The following CRYZL1 variants were observed in gnomAD, a reference collection of about 807,000 sequenced individuals.
CRYZL1 encodes ferry endosomal RAB5 effector complex subunit 4.
CRYZL1 carries 34 observed loss-of-function variants against 50.6 expected under a neutral mutation model. The ratio of observed to expected loss-of-function variants is 0.67; its 90% CI spans 0.51 to 0.89. The LOEUF is 0.89. Ranked by LOEUF, CRYZL1 falls within the 40% of genes least tolerant of loss-of-function variation. The pLI is 0.00. For missense variants in CRYZL1, 354 were observed against 402.3 expected, an observed-to-expected ratio of 0.88 and a Z score of 1.03; for synonymous variants, 125 against 134.3, an observed-to-expected ratio of 0.93 and a Z score of 0.48.
intron 3 of CRYZL1, among the ~76,000 whole-genome samples, chr21:33,622,993 T>G (rs369285871): frequency 2.0e-5 from 3 of 149,696 alleles, no homozygotes; most frequent in East Asian, 2.0e-4. Context: ...TCAGATGGAG[T>G]CTCACTCTGT....
Position 33,603,419 on chromosome 21 carries a change from T to C in CRYZL1, c.450A>G (p.Ile150Met). ...SHLSPGKSVL[I>M]MDGASAFGTI... Reference sequence around the variant, plus strand: ...TAGCACCTACACTTGCTCCATCCATTATCAGCACTGATTTTCCAGGAGAGA... The same window carrying C: ...TAGCACCTACACTTGCTCCATCCATCATCAGCACTGATTTTCCAGGAGAGA... The change falls in exon 7 of 13, where the codon ATA becomes ATG. Residue 150 changes from isoleucine to methionine, a missense_variant. Ile to Met is a conservative substitution (Grantham distance 10, BLOSUM62 1). Coordinates refer to ENST00000381554, the MANE Select transcript of CRYZL1 (RefSeq NM_145858.3). 1.2e-6 allele frequency: 2 copies of C among 1,614,130 alleles called. No homozygotes were observed. Among genetic ancestry groups the C allele is most frequent in the South Asian group, 1.1e-5 (1 of 91,086 alleles).
Position 33,597,367 on chromosome 21 carries a change from T to C in CRYZL1, c.711A>G (p.Val237=). 1 of 1,602,744 alleles carries C rather than the reference T, an allele frequency of 6.2e-7. No individual in the cohort carries two copies. Residue 237 remains valine, a synonymous_variant, in exon 10 of 13, where the codon GTA becomes GTG. Coordinates refer to ENST00000381554, the MANE Select transcript of CRYZL1 (RefSeq NM_145858.3). ...RLYSKDDEPA[V]KLQLLPHKHD... ...GTTTATGTGGTAGTAGTTGTAGTTT[T>C]ACAGCTGGTTCATCATCTTTACTAT...
chr21:33,633,942 G>C (rs1276997660), intron 1 of CRYZL1, among the ~76,000 whole-genome samples: 1 of 152,184 alleles, frequency 6.6e-6, no homozygotes, highest in Non-Finnish European at 1.5e-5. Context: ...AATGTTAGTG[G>C]ATCTACTTGG....
At chr21:33,591,070 G>T in intron 12 of CRYZL1, 92 bp downstream of exon 12, 1 of 872,932 alleles carries the variant, frequency 1.1e-6, no homozygotes, top group Non-Finnish European at 2.0e-6. Context: ...ACAGGTACAT[G>T]GCGAGAGCTA....
Position 33,602,350 on chromosome 21 carries a change from G to A in CRYZL1, c.466-5C>T, listed in dbSNP as rs769494373. Reference sequence around the variant, plus strand: ...AATAGCTATTGTACCAAATGCCTGTGTAGAAAAAAATATACAGTGGGTGTA... The same window carrying A: ...AATAGCTATTGTACCAAATGCCTGTATAGAAAAAAATATACAGTGGGTGTA... On this transcript the variant is annotated splice_polypyrimidine_tract_variant and splice_region_variant and intron_variant, in intron 7 of 12. Coordinates refer to ENST00000381554, the MANE Select transcript of CRYZL1 (RefSeq NM_145858.3). 12 of 1,503,930 alleles carry A rather than the reference G, an allele frequency of 8.0e-6. No individual in the cohort carries two copies. Among genetic ancestry groups the A allele is most frequent in the Middle Eastern group, 3.4e-4 (2 of 5,882 alleles). The allele number at this position is 1,503,930 out of a possible 1,614,324, so 93.2% of individuals were successfully genotyped here. A position where few individuals can be genotyped will look rare whatever the true frequency, so the allele number is the denominator to read the frequency against.
intron 6 of CRYZL1, among the ~76,000 whole-genome samples, chr21:33,605,289 T>A (rs954094725): frequency 5.9e-5 from 9 of 152,058 alleles, no homozygotes; most frequent in Non-Finnish European, 1.0e-4. Context: ...TTTAACAGTA[T>A]CTTTAAAAAA....
rs190831016 is a variant in CRYZL1, at chr21:33,640,121, C to T, written c.-7+1560G>A. The T allele has an allele frequency of 3.0e-4, 466 of 1,542,648 alleles. 3 individuals are homozygous for T. The African/African-American group carries it at 5.8e-3, about 19-fold the overall frequency. Reference sequence around the variant, plus strand: ...GATTACAGGCGTGAGCCACCACGCTCGGCCAATATGTGTATTTTTGCTCTT... The same window carrying T: ...GATTACAGGCGTGAGCCACCACGCTTGGCCAATATGTGTATTTTTGCTCTT... On this transcript the variant is annotated intron_variant, in intron 1 of 12. Coordinates refer to ENST00000381554, the MANE Select transcript of CRYZL1 (RefSeq NM_145858.3).
chr21:33,605,567 G>A (rs1445459579), intron 6 of CRYZL1, among the ~76,000 whole-genome samples: 1 of 59,852 alleles, frequency 1.7e-5, no homozygotes, highest in Admixed American at 2.4e-4. Flanking sequence ...CTGTCGCCAG[G>A]CTGGAGTGCA....
chr21:33,598,044 A>T (rs78467243), intron 9 of CRYZL1, among the ~76,000 whole-genome samples: 1,601 of 152,344 alleles, frequency 0.011, 76 homozygotes, highest in Admixed American at 0.079. Context: ...TTTAATTGTA[A>T]TTTATTGTAA....
chr21:33,613,594 A>G lies in CRYZL1; in HGVS notation c.275T>C (p.Leu92Pro). ...ACAAAGTCCAGGGTCTTCAGAGTCCAGGGGCAAAATTCCTAAAAATCAAAA... is the reference window on the plus strand; with the variant it reads ...ACAAAGTCCAGGGTCTTCAGAGTCCGGGGGCAAAATTCCTAAAAATCAAAA... ...PDDEVVGILP[L>P]DSEDPGLCEV... Residue 92 changes from leucine to proline, a missense_variant, in exon 6 of 13, where the codon CTG becomes CCG. Coordinates refer to ENST00000381554, the MANE Select transcript of CRYZL1 (RefSeq NM_145858.3). 1 of 1,612,674 alleles carries G rather than the reference A, an allele frequency of 6.2e-7. No individual in the cohort carries two copies. Among genetic ancestry groups the G allele is most frequent in the East Asian group, 2.2e-5 (1 of 44,864 alleles).
At chr21:33,601,757 A>C (rs2086758819) in intron 8 of CRYZL1, among the ~76,000 whole-genome samples, 1 of 152,062 alleles carries the variant, frequency 6.6e-6, no homozygotes, top group Non-Finnish European at 1.5e-5. Flanking sequence ...CTCTACAAAA[A>C]ATACAAAAAA....
At chr21:33,597,610 C>CTG (rs1491532109) in intron 9 of CRYZL1, among the ~76,000 whole-genome samples, 11 of 63,094 alleles carry the variant, frequency 1.7e-4, no homozygotes, top group Middle Eastern at 0.011. Context: ...TCCGCCGGCA[C>CTG]TCTCTTTTTG....
chr21:33,610,726 TG>T lies in CRYZL1; in HGVS notation c.331+2811del, dbSNP rs759063778. 2.1e-5 allele frequency among the ~76,000 whole-genome samples: 3 copies of T among 144,288 alleles called. No homozygotes were observed. In the East Asian group the frequency reaches 6.0e-4, roughly 29 times the overall value. 94.7% of individuals were successfully genotyped at this position (144,288 alleles called of 152,430 possible). On this transcript the variant is annotated intron_variant, in intron 6 of 12. Coordinates refer to ENST00000381554, the MANE Select transcript of CRYZL1 (RefSeq NM_145858.3). ...CCTAAAGGAATGGGCCTTGTTTGGT[TG>T]TTTTTTTTTTTTTTTTTTTTTTTTG...
At chr21:33,612,702 T>C (rs984569069) in intron 6 of CRYZL1, among the ~76,000 whole-genome samples, 2 of 152,230 alleles carry the variant, frequency 1.3e-5, no homozygotes, top group East Asian at 3.8e-4. Flanking sequence ...TTTAATATGG[T>C]TTCATGAAGT....
At chr21:33,626,478 C>T (rs1376488657) in intron 2 of CRYZL1, among the ~76,000 whole-genome samples, 1 of 151,760 alleles carries the variant, frequency 6.6e-6, no homozygotes, top group African/African-American at 2.4e-5. Context: ...AAGTGGATCA[C>T]TTAAGGTCAG....
chr21:33,623,788 AAT>A (rs2087029045), intron 3 of CRYZL1, among the ~76,000 whole-genome samples: 2 of 152,232 alleles, frequency 1.3e-5, no homozygotes, highest in Non-Finnish European at 2.9e-5. Context: ...AAACGGAGTA[AAT>A]GGACCTGCTC....
chr21:33,639,651 T>C (rs1209566267), intron 1 of CRYZL1: 1 of 152,270 alleles, frequency 6.6e-6, no homozygotes, highest in Non-Finnish European at 1.5e-5. Context: ...TCCAGTTCAC[T>C]AGAGGATTGT....
chr21:33,603,062 TAAGTGTGAGGGTGGGAA>T (rs1437806814), intron 7 of CRYZL1: 2 of 220,828 alleles, frequency 9.1e-6, no homozygotes, highest in Non-Finnish European at 1.8e-5. Context: ...TTGATCAACG[TAAGTGTGAGGGTGGGAA>T]ATAGGCTACA....
intron 3 of CRYZL1, among the ~76,000 whole-genome samples, chr21:33,622,967 ATT>A (rs35493080): frequency 6.8e-5 from 8 of 117,460 alleles, no homozygotes; most frequent in Non-Finnish European, 9.4e-5. Context: ...TTTCTTTTCT[ATT>A]TTTTTTTTTT....
Sources: gnomAD v4.1 joint callset for allele counts (sites outside exome capture counted in the v4.1 genomes callset) on GRCh38, gnomAD v4.1.1 for gene constraint, MANE v1.5 for transcripts, NCBI Gene and HGNC (gene_info 2026-07-23, HGNC 2026-07-21) for gene names.